The following STPG2 variants were observed in gnomAD, a reference collection of about 807,000 sequenced individuals.
STPG2 encodes sperm tail PG-rich repeat containing 2.
In STPG2, 56 loss-of-function variants were observed where a neutral mutation model predicts 54.2. The ratio of observed to expected loss-of-function variants is 1.03; its 90% confidence interval spans 0.83 to 1.29. The LOEUF is 1.29. Among genes scored for constraint, STPG2 ranks in the 50% most tolerant of loss-of-function variants. The pLI is 0.00. For synonymous variants in STPG2, 200 were observed against 181.8 expected (o/e 1.10, Z -0.81); for missense variants, 596 against 544.9 (o/e 1.09, Z -0.93).
chr4:97,885,064 T>TA (rs1730514033), intron 8 of STPG2, among the ~76,000 whole-genome samples: 1 of 152,140 alleles, frequency 6.6e-6, no homozygotes, highest in Non-Finnish European at 1.5e-5. Context: ...CTGGGTTTGA[T>TA]TAAAAAAATA....
At chr4:98,072,634 T>A (rs181416020) in intron 5 of STPG2, among the ~76,000 whole-genome samples, 267 of 149,658 alleles carry the variant, frequency 1.8e-3, no homozygotes, top group Non-Finnish European at 3.1e-3. Flanking sequence ...AAGAGTCCAC[T>A]AATTTCAGTA....
At chr4:97,846,780 G>A (rs1451238653) in intron 8 of STPG2, among the ~76,000 whole-genome samples, 1 of 152,004 alleles carries the variant, frequency 6.6e-6, no homozygotes, top group Non-Finnish European at 1.5e-5. Context: ...ATAGCAAGAG[G>A]TATATGAAAG....
intron 8 of STPG2, among the ~76,000 whole-genome samples, chr4:97,939,627 C>CT (rs957177057): frequency 1.1e-4 from 17 of 152,178 alleles, no homozygotes; most frequent in African/African-American, 3.9e-4. Flanking sequence ...GCAACCCCTG[C>CT]TTTTTTTCTG....
intron 9 of STPG2, among the ~76,000 whole-genome samples, chr4:97,779,516 T>C (rs1441975006): frequency 6.6e-6 from 1 of 152,178 alleles, no homozygotes; most frequent in Non-Finnish European, 1.5e-5. Flanking sequence ...TGCAGGATAT[T>C]ATCCAGGAGA....
At chr4:97,518,739 G>T (rs1382908307) in intron 4 of STPG2, among the ~76,000 whole-genome samples, 1 of 151,972 alleles carries the variant, frequency 6.6e-6, no homozygotes, top group African/African-American at 2.4e-5. Context: ...ATGAACAAAA[G>T]TCCTCCAAAT....
At chr4:97,463,316 G>A (rs576473744) in intron 4 of STPG2, among the ~76,000 whole-genome samples, 142 of 151,902 alleles carry the variant, frequency 9.3e-4, no homozygotes, top group African/African-American at 3.2e-3. Context: ...TATAAATTTC[G>A]GACGCTTTAT....
chr4:97,742,512 GAATA>G (rs1449859976), intron 9 of STPG2, among the ~76,000 whole-genome samples: 1 of 143,168 alleles, frequency 7.0e-6, no homozygotes, highest in Admixed American at 7.3e-5. Context: ...ATGGATGAAT[GAATA>G]AACTGTGTGT....
At chr4:97,538,368 C>T (rs1731593732) in intron 4 of STPG2, among the ~76,000 whole-genome samples, 1 of 152,132 alleles carries the variant, frequency 6.6e-6, no homozygotes, top group African/African-American at 2.4e-5. Flanking sequence ...AGCTGAAAAC[C>T]CATGGCACAA....
intron 4 of STPG2, among the ~76,000 whole-genome samples, chr4:97,481,670 CTA>C (rs1483594974): frequency 1.3e-5 from 2 of 151,546 alleles, no homozygotes; most frequent in African/African-American, 2.4e-5. Context: ...TTTAGAAACA[CTA>C]TTAATTTTTG....
intron 9 of STPG2, among the ~76,000 whole-genome samples, chr4:97,838,073 G>A (rs935510321): frequency 6.6e-6 from 1 of 151,406 alleles, no homozygotes; most frequent in African/African-American, 2.4e-5. Context: ...AATTAAGTCA[G>A]ACAATGTTAT....
At chr4:97,821,958 C>T (rs913393706) in intron 9 of STPG2, among the ~76,000 whole-genome samples, 8 of 152,184 alleles carry the variant, frequency 5.3e-5, no homozygotes, top group African/African-American at 1.9e-4. Flanking sequence ...GCACTTGACT[C>T]TTTTTAGCCA....
At chr4:97,677,992 A>G (rs1722901766) in intron 10 of STPG2, among the ~76,000 whole-genome samples, 1 of 152,158 alleles carries the variant, frequency 6.6e-6, no homozygotes, top group African/African-American at 2.4e-5. Flanking sequence ...AAACCTATAT[A>G]TACATCATTA....
At chr4:97,619,824 A>AT (rs113041695) in intron 10 of STPG2, among the ~76,000 whole-genome samples, 13,955 of 130,254 alleles carry the variant, frequency 0.11, 868 homozygotes, top group South Asian at 0.2. Context: ...TTCTTTTTCT[A>AT]TTTTTTTTTT....
At chr4:97,900,948 A>C (rs1162372361) in intron 8 of STPG2, among the ~76,000 whole-genome samples, 1 of 151,746 alleles carries the variant, frequency 6.6e-6, no homozygotes, top group Non-Finnish European at 1.5e-5. Flanking sequence ...AAAACATAAG[A>C]GGTGAAAATA....
chr4:98,041,007 C>T (rs376863535), intron 5 of STPG2, among the ~76,000 whole-genome samples: 3 of 151,740 alleles, frequency 2.0e-5, no homozygotes, highest in East Asian at 3.9e-4. Context: ...GTGTCATCTA[C>T]GATTTCTTTC....
At chr4:97,912,017 C>G (rs1731696748) in intron 8 of STPG2, among the ~76,000 whole-genome samples, 1 of 152,166 alleles carries the variant, frequency 6.6e-6, no homozygotes, top group Admixed American at 6.5e-5. Context: ...GTAATCTCCA[C>G]TGGTGATACC....
At chr4:97,653,093 T>TGACA (rs2148954973) in intron 10 of STPG2, among the ~76,000 whole-genome samples, 1 of 82,806 alleles carries the variant, frequency 1.2e-5, no homozygotes, top group East Asian at 3.2e-4. Context: ...GATTGATAGA[T>TGACA]GATAGATAGA....
intron 5 of STPG2, among the ~76,000 whole-genome samples, chr4:98,090,245 T>A (rs1047588434): frequency 3.3e-5 from 5 of 152,156 alleles, no homozygotes; most frequent in African/African-American, 1.2e-4. Flanking sequence ...GAGATGGAGA[T>A]CCAATTTCAT....
intron 4 of STPG2, among the ~76,000 whole-genome samples, chr4:97,456,643 C>G (rs1445205909): frequency 6.6e-6 from 1 of 151,942 alleles, no homozygotes; most frequent in Non-Finnish European, 1.5e-5. Flanking sequence ...TGCCTGTAAT[C>G]CCAGCACTTT....
Sources: gnomAD v4.1 joint callset for allele counts (sites outside exome capture counted in the v4.1 genomes callset) on GRCh38, gnomAD v4.1.1 for gene constraint, MANE v1.5 for transcripts, NCBI Gene and HGNC (gene_info 2026-07-23, HGNC 2026-07-21) for gene names.